Variants in C3 observed in about 807,000 individuals in gnomAD.
C3 encodes the protein C3 and PZP-like alpha-2-macroglobulin domain-containing protein 1.
In C3, 97 loss-of-function variants were observed where a neutral mutation model predicts 207.9. The observed-to-expected ratio is 0.47, with a 90% CI of 0.40 to 0.55. The LOEUF (loss-of-function observed/expected upper bound fraction) is 0.55. C3 is among the 20% of genes least tolerant of loss of function. The pLI is 0.00. For missense variants in C3, 1,684 were observed against 2,171.7 expected, an observed-to-expected ratio of 0.78 and a Z score of 4.46; for synonymous variants, 848 against 857.6, an observed-to-expected ratio of 0.99 and a Z score of 0.20.
chr19:6,682,152 T>G lies in C3; in HGVS notation c.4250A>C (p.Asp1417Ala), dbSNP rs374607713. ...CTGAGCCCTTCATACCTGCTTCAGG[T>G]CATCTGTGTCTGGAGCAAAGCCAGT... ...MMTGFAPDTDDLKQLANGVDR... is the reference protein window; with the variant it reads ...MMTGFAPDTDALKQLANGVDR... The change falls in exon 34 of 41, where the codon GAC becomes GCC. Residue 1417 changes from aspartate to alanine, a missense_variant. Asp to Ala is a moderately radical substitution (Grantham distance 126). Coordinates refer to ENST00000245907, the MANE Select transcript of C3 (RefSeq NM_000064.4). 6.2e-7 allele frequency: 1 copy of G among 1,613,650 alleles called. No homozygotes were observed. Among genetic ancestry groups the G allele is most frequent in the Non-Finnish European group, 8.5e-7 (1 of 1,179,554 alleles).
In C3 at chr19:6,719,451, G is replaced by C; in HGVS notation, c.75-48C>G. On this transcript the variant is annotated intron_variant, in intron 1 of 40. Coordinates refer to ENST00000245907, the MANE Select transcript of C3 (RefSeq NM_000064.4). This position sits in a 1 kb window ranked among gnomAD's most constrained non-coding sequence, Gnocchi z 5.4. ...TGGGCTTGTCATTCCACGGATGTGA[G>C]ACGCCAGTCCTCACTGGAGTCAGCG... The C allele has an allele frequency of 6.4e-7, 1 of 1,559,572 alleles. No homozygotes were observed. The highest frequency in any genetic ancestry group is 2.2e-5 in the East Asian group (1 of 44,562).
rs947639403 is a variant in C3, at chr19:6,719,295, G to A, written c.183C>T (p.Asp61=). 3.1e-6 allele frequency: 5 copies of A among 1,614,038 alleles called. No homozygotes were observed. In the Admixed American group the frequency reaches 8.3e-5, roughly 27 times the overall value. Residue 61 remains aspartate, a synonymous_variant, in exon 2 of 41, where the codon GAC becomes GAT. Transcript: ENST00000245907. This position sits in a 1 kb window ranked among gnomAD's most constrained non-coding sequence, Gnocchi z 5.4. ...ACAGCACTAGTTTTTTGCCTGGGAA[G>A]TCGTGGACAGTAACAGTGACTGGAA... ...GDVPVTVTVH[D]FPGKKLVLSS... is the part of the protein sequence containing the mutation.
intron 27 of C3, among the ~76,000 whole-genome samples, chr19:6,689,598 C>A (rs1599503739): frequency 6.6e-6 from 1 of 152,066 alleles, no homozygotes; most frequent in Non-Finnish European, 1.5e-5. Context: ...GTAATCCGAG[C>A]ACTTTGGGAG....
At chr19:6,716,412 T>A (rs1217235844) in intron 4 of C3, 1 of 152,140 alleles carries the variant, frequency 6.6e-6, no homozygotes, top group Non-Finnish European at 1.5e-5. Flanking sequence ...TAACTTTTCT[T>A]TTTTGTAGAG....
chr19:6,719,150 G>A lies in C3; in HGVS notation c.267+61C>T. 7.1e-7 allele frequency: 1 copy of A among 1,417,024 alleles called. No homozygotes were observed. The allele number at this position is 1,417,024 out of a possible 1,614,324, so 87.8% of individuals were successfully genotyped here. ...AAGACAGAAGGGGAGGGGCTCAGGA[G>A]GAGGGGGGGAGTGGGCGTGGCTGTG... On this transcript the variant is annotated intron_variant, in intron 2 of 40. Coordinates refer to ENST00000245907, the MANE Select transcript of C3 (RefSeq NM_000064.4). This position sits in a 1 kb window ranked among gnomAD's most constrained non-coding sequence, Gnocchi z 5.4.
At chr19:6,701,324 C>T (rs895771613) in intron 19 of C3, among the ~76,000 whole-genome samples, 9 of 152,100 alleles carry the variant, frequency 5.9e-5, no homozygotes, top group Admixed American at 2.6e-4. Context: ...AGACATGCCA[C>T]GTGCATGCTA....
In C3 at chr19:6,711,006, A is replaced by C; in HGVS notation, c.1460T>G (p.Ile487Ser). The C allele has an allele frequency of 6.2e-7, 1 of 1,614,048 alleles. No individual in the cohort carries two copies. Among genetic ancestry groups the C allele is most frequent in the Non-Finnish European group, 8.5e-7 (1 of 1,179,994 alleles). Residue 487 changes from isoleucine (I) to serine (S), a missense_variant, in exon 12 of 41, where the codon ATC becomes AGC. Ile to Ser is a moderately radical substitution (Grantham distance 142). Around this residue, in one of 3 missense-constraint regions of C3, gnomAD observed 1,280 missense variants for 1,739.1 expected, o/e 0.74. Transcript: ENST00000245907. ...LRMDRAHEAK[I>S]RYYTYLIMNK... Reference sequence around the variant, plus strand: ...ACGGACCAGGTAGGTGTAGTAGCGGATCTTGGCCTCGTGGGCGCGGTCCAT... The same window carrying C: ...ACGGACCAGGTAGGTGTAGTAGCGGCTCTTGGCCTCGTGGGCGCGGTCCAT...
rs1967568846 is a variant in C3 at position 6,697,644 on chromosome 19, G to T, written c.2583+8C>A. On this transcript the variant is annotated splice_region_variant and intron_variant, in intron 20 of 40. Transcript: ENST00000245907. ...CCTCCAAGAAGCCTCTGCCACCCCGGGACCCACCTTGAGCTCTTGGTTCTG... is the reference window on the plus strand; with the variant it reads ...CCTCCAAGAAGCCTCTGCCACCCCGTGACCCACCTTGAGCTCTTGGTTCTG... 6.2e-7 allele frequency: 1 copy of T among 1,613,922 alleles called. No homozygotes were observed. The highest frequency in any genetic ancestry group is 1.1e-5 in the South Asian group (1 of 91,060).
At chr19:6,687,568 C>T (rs1372751857) in intron 27 of C3, among the ~76,000 whole-genome samples, 2 of 152,118 alleles carry the variant, frequency 1.3e-5, no homozygotes, top group Non-Finnish European at 2.9e-5. Flanking sequence ...ATGATTTGTA[C>T]TGTTTTCTCA....
chr19:6,683,853 G>A (rs1229779351), intron 33 of C3, among the ~76,000 whole-genome samples: 1 of 152,238 alleles, frequency 6.6e-6, no homozygotes, highest in Non-Finnish European at 1.5e-5. Flanking sequence ...CCAAAACTTT[G>A]GCAGCCCAAG....
intron 14 of C3, among the ~76,000 whole-genome samples, chr19:6,708,545 T>TTCCTTCCCTCCTTCCCTCCTTCCTTCCC (rs1568223725): frequency 4.1e-5 from 6 of 146,418 alleles, no homozygotes; most frequent in Non-Finnish European, 9.0e-5. Context: ...TGCTCCCCCT[T>TTCCTTCCCTCCTTCCCTCCTTCCTTCCC]TCCTTCCCTC....
chr19:6,711,191 G>A lies in C3; in HGVS notation c.1275C>T (p.Arg425=), dbSNP rs763036388. ...CCTCCGAGAGCTCCTGCTTCTTCGTGCGCACCTGGGTGGGGAAAGAGGGAT... is the reference window on the plus strand; with the variant it reads ...CCTCCGAGAGCTCCTGCTTCTTCGTACGCACCTGGGTGGGGAAAGAGGGAT... ...PSQKPLSITV[R]TKKQELSEAE... is the part of the protein sequence containing the mutation. The change falls in exon 12 of 41, where the codon CGC becomes CGT. Residue 425 remains arginine (R), a synonymous_variant. Coordinates refer to ENST00000245907, the MANE Select transcript of C3 (RefSeq NM_000064.4). 6.2e-7 allele frequency: 1 copy of A among 1,612,176 alleles called. No individual in the cohort carries two copies. Among genetic ancestry groups the A allele is most frequent in the African/African-American group, 1.3e-5 (1 of 74,998 alleles).
intron 36 of C3, among the ~76,000 whole-genome samples, chr19:6,679,920 G>A (rs1917816670): frequency 6.6e-6 from 1 of 151,630 alleles, no homozygotes; most frequent in African/African-American, 2.4e-5. Context: ...GGGACCTTCA[G>A]ATTACTAATC....
chr19:6,713,583 G>T, intron 7 of C3, 74 bp from the exon 8 acceptor site: 1 of 1,203,942 alleles, frequency 8.3e-7, no homozygotes, highest in Non-Finnish European at 1.2e-6. Flanking sequence ...TCTCCTGCCT[G>T]TGCTGAAGAC....
rs1918021971 is a variant in C3, at chr19:6,686,869, A to C, written c.3523T>G (p.Phe1175Val). The change falls in exon 28 of 41, where the codon TTC becomes GTC. Residue 1175 changes from phenylalanine to valine, a missense_variant. This residue lies in a region of C3 where 1,280 missense variants were observed against 1,739.1 expected (regional missense o/e 0.74). Transcript: ENST00000245907. ...AGGTTCATGTAGTTGGCTTCAAGGA[A>C]GTCTCCTGCTTTAGTGATGCTGCCT... is the stretch of plus-strand genomic sequence containing the variant. ...LPGSITKAGDFLEANYMNLQR... is the reference protein window; with the variant it reads ...LPGSITKAGDVLEANYMNLQR... The C allele has an allele frequency of 6.2e-7, 1 of 1,614,220 alleles. No individual in the cohort carries two copies. Among genetic ancestry groups the C allele is most frequent in the Non-Finnish European group, 8.5e-7 (1 of 1,180,030 alleles).
chr19:6,693,232 G>A lies in C3; in HGVS notation c.3231-149C>T, dbSNP rs1918211862. On this transcript the variant is annotated intron_variant, in intron 25 of 40. Coordinates refer to ENST00000245907, the MANE Select transcript of C3 (RefSeq NM_000064.4). ...CCCCAGGACCCAGCTGTTGTATGCG[G>A]TCCGTGCTTAAGGATGCTTAATGAC... is the stretch of plus-strand genomic sequence containing the variant. The A allele has an allele frequency of 4.5e-6, 5 of 1,116,142 alleles. No homozygotes were observed. The East Asian group carries it at 9.9e-5, about 22-fold the overall frequency. 69.1% of individuals were successfully genotyped at this position (1,116,142 alleles called of 1,614,324 possible).
chr19:6,713,090 G>C, intron 9 of C3, 99 bp downstream of exon 9: 2 of 1,444,962 alleles, frequency 1.4e-6, no homozygotes, highest in South Asian at 2.3e-5. Flanking sequence ...TTCACTCTGA[G>C]CCTCCCTCCT....
chr19:6,689,328 C>CTCTCTCTCTCTCTCTCTCT (rs1599503345), intron 27 of C3, among the ~76,000 whole-genome samples: 1 of 53,246 alleles, frequency 1.9e-5, no homozygotes, highest in African/African-American at 9.9e-5. Context: ...TCTCTACCTA[C>CTCTCTCTCTCTCTCTCTCT]CTCCCTCCCT....
chr19:6,689,340 C>T (rs1354650112), intron 27 of C3, among the ~76,000 whole-genome samples: 533 of 50,696 alleles, frequency 0.011, 34 homozygotes, highest in African/African-American at 0.053. Context: ...TCCCTCCCTC[C>T]CTCCCTCCCT....
Sources: allele counts gnomAD v4.1 joint callset (sites outside exome capture counted in the v4.1 genomes callset), GRCh38; gene constraint gnomAD v4.1.1; regional missense constraint gnomAD v4.1.1; non-coding constraint Gnocchi (gnomAD v3.1); transcripts MANE v1.5; gene names NCBI Gene and HGNC (gene_info 2026-07-23, HGNC 2026-07-21).